GTF2F2: variants seen among roughly 807,000 people sequenced by gnomAD.
The protein encoded by GTF2F2 is ATP-dependent helicase GTF2F2.
Under a neutral mutation model 42.2 loss-of-function variants are expected in GTF2F2, and 23 were observed. The observed-to-expected ratio is 0.55, with a 90% confidence interval of 0.39 to 0.77. GTF2F2 has a LOEUF of 0.77. Among genes scored for constraint, GTF2F2 ranks in the 30% least tolerant of loss-of-function variants. The probability of loss-of-function intolerance (pLI) is 0.00; values close to 1 mark genes in which losing one functional copy is unlikely to be tolerated. For synonymous variants in GTF2F2, 105 were observed against 100.8 expected (o/e 1.04, Z -0.25); for missense variants, 261 against 287.2 (o/e 0.91, Z 0.66).
chr13:45,145,412 G>A (rs1870143365), intron 2 of GTF2F2, among the ~76,000 whole-genome samples: 1 of 152,052 alleles, frequency 6.6e-6, no homozygotes, highest in Admixed American at 6.6e-5. Flanking sequence ...TTCCTTTTAG[G>A]GGAGAATGAT....
intron 4 of GTF2F2, among the ~76,000 whole-genome samples, chr13:45,166,395 A>T (rs1012033602): frequency 2.0e-5 from 3 of 152,218 alleles, no homozygotes; most frequent in Non-Finnish European, 4.4e-5. Flanking sequence ...CATTCATGTT[A>T]CTATGAAGAC....
At position 45,210,504 on chromosome 13, in the gene GTF2F2, G is replaced by A. The variant is rs976935761; in HGVS notation, c.386+2999G>A. On this transcript the variant is annotated intron_variant, in intron 5 of 7. Transcript: ENST00000340473. ...TACTTGTATCTTCTTCATAGCACAC[G>A]TCACCTCCTACTAAACTATGTAGTT... Among the ~76,000 whole-genome samples, 7 of 151,976 alleles carry A rather than the reference G, an allele frequency of 4.6e-5. No individual in the cohort carries two copies. In the South Asian group the frequency reaches 1.5e-3, roughly 32 times the overall value.
intron 6 of GTF2F2, among the ~76,000 whole-genome samples, chr13:45,253,951 T>C (rs1377244542): frequency 6.6e-6 from 1 of 151,812 alleles, no homozygotes; most frequent in Non-Finnish European, 1.5e-5. Context: ...TGTGTGCCTG[T>C]AGTCCCAGCT....
chr13:45,242,403 C>T (rs1195612329), intron 5 of GTF2F2, among the ~76,000 whole-genome samples: 2 of 151,874 alleles, frequency 1.3e-5, no homozygotes, highest in African/African-American at 2.4e-5. Context: ...TGTCAGCCTC[C>T]GTCTCCCCCT....
At chr13:45,144,595 C>G (rs1216482994) in intron 2 of GTF2F2, among the ~76,000 whole-genome samples, 1 of 151,622 alleles carries the variant, frequency 6.6e-6, no homozygotes. Context: ...GCGCCCGCCA[C>G]CACGACTGGC....
At chr13:45,188,484 G>A (rs1317181742) in intron 4 of GTF2F2, among the ~76,000 whole-genome samples, 1 of 152,152 alleles carries the variant, frequency 6.6e-6, no homozygotes, top group Non-Finnish European at 1.5e-5. Context: ...GGGGAGACCT[G>A]TTCATGGTTA....
At chr13:45,237,525 A>T (rs553735553) in intron 5 of GTF2F2, among the ~76,000 whole-genome samples, 2 of 152,350 alleles carry the variant, frequency 1.3e-5, no homozygotes, top group Admixed American at 1.3e-4. Flanking sequence ...ATACTATGGG[A>T]CAGGCCATTT....
At chr13:45,127,692 G>A (rs1313471462) in intron 1 of GTF2F2, among the ~76,000 whole-genome samples, 1 of 151,602 alleles carries the variant, frequency 6.6e-6, no homozygotes, top group Non-Finnish European at 1.5e-5. Context: ...GCGTGCAGTA[G>A]CACGATCTTG....
At chr13:45,127,852 C>T (rs186429766) in intron 1 of GTF2F2, among the ~76,000 whole-genome samples, 3 of 143,728 alleles carry the variant, frequency 2.1e-5, no homozygotes, top group African/African-American at 5.2e-5. Flanking sequence ...AGGGTGGACT[C>T]GAACTCCTGA....
chr13:45,212,553 T>TC, intron 5 of GTF2F2, among the ~76,000 whole-genome samples: 1 of 149,162 alleles, frequency 6.7e-6, no homozygotes, highest in Non-Finnish European at 1.5e-5. Context: ...TCTCTCTCTC[T>TC]TTCTCTCTTT....
At chr13:45,171,523 A>T (rs1237093533) in intron 4 of GTF2F2, among the ~76,000 whole-genome samples, 1 of 152,196 alleles carries the variant, frequency 6.6e-6, no homozygotes, top group Non-Finnish European at 1.5e-5. Context: ...TTTTCTTTCT[A>T]TCTGAAGTTA....
rs528403884 is a variant in GTF2F2, at chr13:45,125,954, A to G, written c.66+5233A>G. Among the ~76,000 whole-genome samples the G allele has an allele frequency of 1.4e-4, 21 of 152,298 alleles. 1 individual carries two copies. The highest frequency in any genetic ancestry group is 4.6e-4 in the African/African-American group (19 of 41,566). ...CTCCTGTCCCAGCCAGTCAGTGGAT[A>G]TGGTTTGCCCCAGTAAGTGGGCGTG... is the stretch of plus-strand genomic sequence containing the variant. On this transcript the variant is annotated intron_variant, in intron 1 of 7. Coordinates refer to ENST00000340473, the MANE Select transcript of GTF2F2 (RefSeq NM_004128.3).
intron 5 of GTF2F2, among the ~76,000 whole-genome samples, chr13:45,252,509 CTT>C (rs1310719167): frequency 1.3e-5 from 2 of 152,112 alleles, no homozygotes; most frequent in Non-Finnish European, 2.9e-5. Context: ...GAATTAATAA[CTT>C]GATTGATTTT....
At chr13:45,158,182 T>C (rs1870858978) in intron 4 of GTF2F2, among the ~76,000 whole-genome samples, 1 of 152,190 alleles carries the variant, frequency 6.6e-6, no homozygotes, top group African/African-American at 2.4e-5. Context: ...AGGGACCTGG[T>C]GGGAGATAAT....
intron 4 of GTF2F2, chr13:45,194,619 A>G: frequency 6.7e-7 from 1 of 1,498,488 alleles, no homozygotes; most frequent in Admixed American, 1.9e-5. Context: ...GATTTTTTAA[A>G]AAGAGACACT....
intron 2 of GTF2F2, among the ~76,000 whole-genome samples, chr13:45,148,780 C>T (rs1157021332): frequency 2.0e-5 from 3 of 151,972 alleles, no homozygotes; most frequent in African/African-American, 7.3e-5. Flanking sequence ...ATAGGATGTA[C>T]ATTGATTTTG....
At chr13:45,140,346 G>A (rs1487826855) in intron 2 of GTF2F2, among the ~76,000 whole-genome samples, 1 of 152,112 alleles carries the variant, frequency 6.6e-6, no homozygotes, top group Non-Finnish European at 1.5e-5. Context: ...GTTTTCTCAA[G>A]GAATGATTGA....
chr13:45,182,366 G>A (rs1872207454), intron 4 of GTF2F2, among the ~76,000 whole-genome samples: 3 of 151,938 alleles, frequency 2.0e-5, no homozygotes, highest in Non-Finnish European at 4.4e-5. Flanking sequence ...CAAAGTGCTG[G>A]GATTACAGGT....
chr13:45,201,490 A>G lies in GTF2F2; in HGVS notation c.305-5934A>G, dbSNP rs569164814. ...TCTCAGACATTCTAGTAATATCATT[A>G]TTATGGATGCTGAGGCCCAGAGATG... On this transcript the variant is annotated intron_variant, in intron 4 of 7. Coordinates refer to ENST00000340473, the MANE Select transcript of GTF2F2 (RefSeq NM_004128.3). Among the ~76,000 whole-genome samples, 11 of 152,340 alleles carry G rather than the reference A, an allele frequency of 7.2e-5. No individual in the cohort carries two copies. The South Asian group carries it at 2.1e-3, about 29-fold the overall frequency.
Sources: allele counts gnomAD v4.1 joint callset (sites outside exome capture counted in the v4.1 genomes callset), GRCh38; gene constraint gnomAD v4.1.1; transcripts MANE v1.5; gene names NCBI Gene and HGNC (gene_info 2026-07-23, HGNC 2026-07-21).